The following TGM2 variants were observed in gnomAD, a reference collection of about 807,000 sequenced individuals.
TGM2 encodes the protein transglutaminase 2, also known as protein-glutamine gamma-glutamyltransferase 2.
Under a neutral mutation model 75.6 loss-of-function variants are expected in TGM2, and 53 were observed. That is an observed-to-expected ratio of 0.70 (90% CI 0.56 to 0.88). The LOEUF (loss-of-function observed/expected upper bound fraction) is 0.88. Ranked by LOEUF, TGM2 falls within the 40% of genes least tolerant of loss-of-function variation. The probability of loss-of-function intolerance (pLI) is 0.00; values close to 1 mark genes in which losing one functional copy is unlikely to be tolerated. For synonymous variants in TGM2, 374 were observed against 381.1 expected (o/e 0.98, Z 0.22); for missense variants, 842 against 928.5 (o/e 0.91, Z 1.21).
chr20:38,136,250 C>G (rs987009719), intron 10 of TGM2, among the ~76,000 whole-genome samples: 1 of 152,172 alleles, frequency 6.6e-6, no homozygotes, highest in African/African-American at 2.4e-5. Flanking sequence ...ACGCCCCGCC[C>G]GCAACACAGA....
At position 38,142,366 on chromosome 20, in the gene TGM2, C is replaced by A. The variant is rs183234596; in HGVS notation, c.860-167G>T. On this transcript the variant is annotated intron_variant, in intron 6 of 12. Transcript: ENST00000361475. Reference sequence around the variant, plus strand: ...ACAATGGCGCCCACCTCTCTGGTCACCCCATGTCCATTCTATGCCCCTCAC... The same window carrying A: ...ACAATGGCGCCCACCTCTCTGGTCAACCCATGTCCATTCTATGCCCCTCAC... Among the ~76,000 whole-genome samples the A allele has an allele frequency of 2.0e-3, 299 of 152,330 alleles. 1 individual carries two copies. Among genetic ancestry groups the A allele is most frequent in the African/African-American group, 7.0e-3 (292 of 41,570 alleles).
intron 11 of TGM2, 27 bp from the exon 12 acceptor site, chr20:38,131,256 A>T: frequency 1.9e-6 from 3 of 1,613,056 alleles, no homozygotes; most frequent in Non-Finnish European, 2.5e-6. Context: ...GGCAGATGTC[A>T]AGGGCAGGTG....
At chr20:38,147,810 A>G (rs2075063237) in intron 5 of TGM2, 151 bp downstream of exon 5, 1 of 1,166,762 alleles carries the variant, frequency 8.6e-7, no homozygotes, top group South Asian at 1.4e-5. Flanking sequence ...ATCTGTGCAA[A>G]TCTTATCTTT....
chr20:38,138,704 C>G (rs552407703), intron 9 of TGM2, among the ~76,000 whole-genome samples: 1 of 152,320 alleles, frequency 6.6e-6, no homozygotes, highest in South Asian at 2.1e-4. Context: ...TTTTACTTAT[C>G]CAGTGCCTAC....
intron 6 of TGM2, among the ~76,000 whole-genome samples, chr20:38,142,734 T>G (rs1189759884): frequency 6.6e-6 from 1 of 152,192 alleles, no homozygotes; most frequent in African/African-American, 2.4e-5. Context: ...ACAAATCTGA[T>G]GTCACCACTC....
chr20:38,131,423 C>G (rs970648074), intron 11 of TGM2, among the ~76,000 whole-genome samples, 194 bp from the exon 12 acceptor site: 1 of 150,144 alleles, frequency 6.7e-6, no homozygotes, highest in South Asian at 2.1e-4. Context: ...GCCCAGGTCT[C>G]CTGCATGGAG....
At chr20:38,162,391 A>T (rs922526363) in intron 1 of TGM2, among the ~76,000 whole-genome samples, 1 of 152,218 alleles carries the variant, frequency 6.6e-6, no homozygotes, top group African/African-American at 2.4e-5. Flanking sequence ...CCAATGTTCA[A>T]TTTACAGGAA....
intron 1 of TGM2, 32 bp downstream of exon 1, chr20:38,165,157 T>C: frequency 1.2e-6 from 2 of 1,613,280 alleles, no homozygotes; most frequent in Non-Finnish European, 1.7e-6. Flanking sequence ...CCGGGGCCCC[T>C]GAGTGGCGGC....
At position 38,142,123 on chromosome 20, in the gene TGM2, G is replaced by A. The variant is rs774604452; in HGVS notation, c.936C>T (p.Leu312=). 4.3e-6 allele frequency: 7 copies of A among 1,614,180 alleles called. No individual in the cohort carries two copies. The highest frequency in any genetic ancestry group is 5.9e-6 in the Non-Finnish European group (7 of 1,180,040). The part of the protein sequence containing the change: ...NSAHDQNSNL[L]IEYFRNEFGE... ...CAAACTCATTGCGGAAGTACTCGAT[G>A]AGAAGGTTGCTGTTCTGGTCATGGG... Residue 312 remains leucine, a synonymous_variant, in exon 7 of 13, where the codon CTC becomes CTT. Transcript: ENST00000361475.
Position 38,132,509 on chromosome 20 carries a change from G to C in TGM2, c.1616-9C>G. Reference sequence around the variant, plus strand: ...AAGAGGAACGCTCTTCTCTGCAGAAGGGGAGAAAGGAGGGTGCTCATGATG... The same window carrying C: ...AAGAGGAACGCTCTTCTCTGCAGAACGGGAGAAAGGAGGGTGCTCATGATG... On this transcript the variant is annotated splice_polypyrimidine_tract_variant and intron_variant, in intron 10 of 12. Coordinates refer to ENST00000361475, the MANE Select transcript of TGM2 (RefSeq NM_004613.4). The C allele has an allele frequency of 6.2e-7, 1 of 1,614,062 alleles. No individual in the cohort carries two copies. The highest frequency in any genetic ancestry group is 8.5e-7 in the Non-Finnish European group (1 of 1,179,984).
chr20:38,145,983 A>G (rs1266818495), intron 6 of TGM2: 1 of 152,174 alleles, frequency 6.6e-6, no homozygotes, highest in Non-Finnish European at 1.5e-5. Context: ...TATATTGCCC[A>G]GGCTGGTCTC....
chr20:38,161,245 C>T (rs555077156), intron 2 of TGM2, among the ~76,000 whole-genome samples, 175 bp downstream of exon 2: 6 of 152,330 alleles, frequency 3.9e-5, no homozygotes, highest in Admixed American at 3.9e-4. Context: ...TCCTTCCTTT[C>T]CGGGCCTCAG....
In TGM2 at chr20:38,131,357, TC is replaced by T. The variant is rs2074830301; in HGVS notation, c.1777-129del. 5.3e-5 allele frequency: 59 copies of T among 1,118,320 alleles called. No homozygotes were observed. In the South Asian group the frequency reaches 6.6e-4, roughly 12 times the overall value. The allele number at this position is 1,118,320 out of a possible 1,614,324, so 69.3% of individuals were successfully genotyped here. On this transcript the variant is annotated intron_variant, in intron 11 of 12. Transcript: ENST00000361475. ...CCAGGTCTGCCACGATCACCCCCCCTCCCCCCACCTCTGTGCCTCAGTTTCT... is the reference window on the plus strand; with the variant it reads ...CCAGGTCTGCCACGATCACCCCCCCTCCCCCACCTCTGTGCCTCAGTTTCT...
At chr20:38,152,280 G>A (rs1009517318) in intron 3 of TGM2, among the ~76,000 whole-genome samples, 1 of 152,116 alleles carries the variant, frequency 6.6e-6, no homozygotes, top group Non-Finnish European at 1.5e-5. Context: ...TCAGACCCCT[G>A]GGCTTTGTCA....
chr20:38,156,015 T>C lies in TGM2; in HGVS notation c.265A>G (p.Thr89Ala). The C allele has an allele frequency of 6.2e-7, 1 of 1,613,792 alleles. No homozygotes were observed. Among genetic ancestry groups the C allele is most frequent in the Non-Finnish European group, 8.5e-7 (1 of 1,179,950 alleles). Reference sequence around the variant, plus strand: ...TCTTGCTGGTCCACCACGGTGGCTGTCCAGTCACCCTCCTCCACAGCATCT... The same window carrying C: ...TCTTGCTGGTCCACCACGGTGGCTGCCCAGTCACCCTCCTCCACAGCATCT... ...LRDAVEEGDWTATVVDQQDCT... is the reference protein window; with the variant it reads ...LRDAVEEGDWAATVVDQQDCT... The change falls in exon 3 of 13, where the codon ACA becomes GCA. Residue 89 changes from threonine to alanine, a missense_variant. Coordinates refer to ENST00000361475, the MANE Select transcript of TGM2 (RefSeq NM_004613.4).
At chr20:38,144,336 C>G (rs952007886) in intron 6 of TGM2, among the ~76,000 whole-genome samples, 2 of 152,182 alleles carry the variant, frequency 1.3e-5, no homozygotes, top group Admixed American at 1.3e-4. Context: ...TGTGGTGATT[C>G]AGAGAGAGGC....
intron 2 of TGM2, among the ~76,000 whole-genome samples, chr20:38,159,730 C>A (rs781084898): frequency 9.2e-5 from 14 of 152,164 alleles, no homozygotes; most frequent in Non-Finnish European, 1.8e-4. Context: ...GTCCCTGACT[C>A]ACTGTGTGAC....
intron 2 of TGM2, among the ~76,000 whole-genome samples, chr20:38,159,812 A>G (rs2046636445): frequency 6.6e-6 from 1 of 152,200 alleles, no homozygotes; most frequent in African/African-American, 2.4e-5. Context: ...AGTCCTTTAT[A>G]ACTTCTAAGC....
chr20:38,154,036 C>T (rs1258756318), intron 3 of TGM2, among the ~76,000 whole-genome samples: 1 of 152,098 alleles, frequency 6.6e-6, no homozygotes, highest in Non-Finnish European at 1.5e-5. Flanking sequence ...CCAGGCTGGT[C>T]TTGAACTCCT....
Sources: allele counts gnomAD v4.1 joint callset (sites outside exome capture counted in the v4.1 genomes callset), GRCh38; gene constraint gnomAD v4.1.1; transcripts MANE v1.5; gene names NCBI Gene and HGNC (gene_info 2026-07-23, HGNC 2026-07-21).